PLPPR1: variants seen among roughly 807,000 people sequenced by gnomAD.
The protein encoded by PLPPR1 is phospholipid phosphatase related 1.
PLPPR1 carries 10 observed loss-of-function variants against 33.1 expected under a neutral mutation model. The ratio of observed to expected loss-of-function variants is 0.30; its 90% CI spans 0.19 to 0.51. PLPPR1 has a LOEUF of 0.51. Ranked by LOEUF, PLPPR1 falls within the 20% of genes least tolerant of loss-of-function variation. The pLI is 0.97. For synonymous variants in PLPPR1, 151 were observed against 151.0 expected (o/e 1.00, Z 0.00); for missense variants, 304 against 408.1 (o/e 0.74, Z 2.20).
At chr9:101,072,240 C>T (rs1407666768) in intron 1 of PLPPR1, among the ~76,000 whole-genome samples, 1 of 152,138 alleles carries the variant, frequency 6.6e-6, no homozygotes, top group African/African-American at 2.4e-5. Flanking sequence ...AGACAGCTCT[C>T]CTCCAAATTG....
Position 101,270,275 on chromosome 9 carries a change from G to C in PLPPR1, c.252+207G>C, listed in dbSNP as rs1028668186. On this transcript the variant is annotated intron_variant, in intron 3 of 7. Coordinates refer to ENST00000374874, the MANE Select transcript of PLPPR1 (RefSeq NM_207299.2). ...TTGTATGGGTGGCTTTTGTTTTTCG[G>C]TATCTGAATTTTAAAAAGATGTTTT... 5.3e-5 allele frequency among the ~76,000 whole-genome samples: 8 copies of C among 151,860 alleles called. No homozygotes were observed. The South Asian group carries it at 1.7e-3, about 31-fold the overall frequency.
intron 2 of PLPPR1, among the ~76,000 whole-genome samples, chr9:101,214,990 T>G (rs897439282): frequency 6.9e-6 from 1 of 144,552 alleles, no homozygotes; most frequent in African/African-American, 2.6e-5. Context: ...GCCACTGCAC[T>G]CCAGCCTGGG....
chr9:101,242,264 T>C (rs1235349871), intron 2 of PLPPR1, among the ~76,000 whole-genome samples: 4 of 150,910 alleles, frequency 2.7e-5, no homozygotes, highest in South Asian at 2.1e-4. Flanking sequence ...TTCTCTGATA[T>C]AGTCTCGGAA....
chr9:101,124,688 C>T (rs1170725554), intron 1 of PLPPR1, among the ~76,000 whole-genome samples: 1 of 152,210 alleles, frequency 6.6e-6, no homozygotes, highest in Non-Finnish European at 1.5e-5. Context: ...TACAGGTGGG[C>T]CCACTAGATG....
intron 6 of PLPPR1, 98 bp from the exon 7 acceptor site, chr9:101,317,267 G>C: frequency 1.5e-6 from 2 of 1,294,478 alleles, no homozygotes; most frequent in Admixed American, 4.2e-5. Flanking sequence ...AGGTCACTCT[G>C]GTGATGATAT....
chr9:101,294,977 AG>A lies in PLPPR1; in HGVS notation c.385+8744del, dbSNP rs754303983. ...GCAATTAGGCAGGAGAAGGAAATAA[AG>A]GGTATTCAATTAGGAAAAGAGGAAG... is the stretch of plus-strand genomic sequence containing the variant. On this transcript the variant is annotated intron_variant, in intron 4 of 7. Coordinates refer to ENST00000374874, the MANE Select transcript of PLPPR1 (RefSeq NM_207299.2). 3.7e-3 allele frequency among the ~76,000 whole-genome samples: 564 copies of A among 152,320 alleles called. 8 individuals are homozygous for A. Among genetic ancestry groups the A allele is most frequent in the Non-Finnish European group, 7.1e-3 (485 of 68,028 alleles).
chr9:101,314,706 G>T (rs1829020175), intron 6 of PLPPR1, among the ~76,000 whole-genome samples: 1 of 151,718 alleles, frequency 6.6e-6, no homozygotes, highest in South Asian at 2.1e-4. Context: ...TGAAAAAATG[G>T]TGCCAATAGA....
At chr9:101,286,691 A>G (rs367672423) in intron 4 of PLPPR1, among the ~76,000 whole-genome samples, 68 of 152,324 alleles carry the variant, frequency 4.5e-4, no homozygotes, top group African/African-American at 1.6e-3. Context: ...TGCCTTTTCA[A>G]AGTTGGAAAA....
intron 2 of PLPPR1, among the ~76,000 whole-genome samples, chr9:101,229,666 T>A (rs1197080086): frequency 6.6e-6 from 1 of 152,164 alleles, no homozygotes; most frequent in Non-Finnish European, 1.5e-5. Flanking sequence ...TGTGTGCATT[T>A]GAAAACTTTC....
chr9:101,172,082 T>A (rs1825950278), intron 1 of PLPPR1, among the ~76,000 whole-genome samples: 1 of 152,200 alleles, frequency 6.6e-6, no homozygotes, highest in South Asian at 2.1e-4. Flanking sequence ...CTAGCCATAA[T>A]CTCATTTTAT....
intron 2 of PLPPR1, among the ~76,000 whole-genome samples, chr9:101,227,878 G>A (rs1452727809): frequency 6.6e-6 from 1 of 152,152 alleles, no homozygotes; most frequent in Non-Finnish European, 1.5e-5. Flanking sequence ...CTGGGTTCAA[G>A]CGATTCTCCT....
chr9:101,189,448 C>T (rs7857823), intron 2 of PLPPR1, among the ~76,000 whole-genome samples: 80,201 of 151,584 alleles, frequency 0.53, 22,457 homozygotes, highest in Non-Finnish European at 0.62. Context: ...AGATGGTAAA[C>T]GCTGGTCAAC....
At position 101,180,147 on chromosome 9, in the gene PLPPR1, C is replaced by T. The variant is rs374350049; in HGVS notation, c.-45-5303C>T. 4.4e-3 allele frequency among the ~76,000 whole-genome samples: 174 copies of T among 39,702 alleles called. 1 individual carries two copies. The highest frequency in any genetic ancestry group is 0.014 in the Middle Eastern group (1 of 74). 26.0% of individuals were successfully genotyped at this position (39,702 alleles called of 152,430 possible). A position where few individuals can be genotyped will look rare whatever the true frequency, so the allele number is the denominator to read the frequency against. ...ATATATATATATATATATATATACA[C>T]ACACACACACACACATACACACACA... On this transcript the variant is annotated intron_variant, in intron 1 of 7. Coordinates refer to ENST00000374874, the MANE Select transcript of PLPPR1 (RefSeq NM_207299.2).
intron 3 of PLPPR1, among the ~76,000 whole-genome samples, 156 bp from the exon 4 acceptor site, chr9:101,285,930 TTCTCTAATTCTTTTGAAG>T (rs1484919980): frequency 6.6e-6 from 1 of 152,234 alleles, no homozygotes; most frequent in African/African-American, 2.4e-5. Flanking sequence ...AATTATCACT[TTCTCTAATTCTTTTGAAG>T]TGTTAAATGC....
chr9:101,257,880 C>T (rs1019661050), intron 2 of PLPPR1, among the ~76,000 whole-genome samples: 1 of 151,766 alleles, frequency 6.6e-6, no homozygotes, highest in Admixed American at 6.6e-5. Context: ...AGTAAGTTAT[C>T]TTTATTTTGG....
chr9:101,262,121 TAC>T (rs1334993770), intron 2 of PLPPR1, among the ~76,000 whole-genome samples: 3 of 152,234 alleles, frequency 2.0e-5, no homozygotes, highest in African/African-American at 7.2e-5. Context: ...TCTTGAAAGA[TAC>T]ACAGTCTATC....
At chr9:101,082,379 TG>T (rs1230633421) in intron 1 of PLPPR1, among the ~76,000 whole-genome samples, 1 of 151,972 alleles carries the variant, frequency 6.6e-6, no homozygotes, top group Non-Finnish European at 1.5e-5. Context: ...GAGGGGGTGT[TG>T]GGGTAAGCAG....
At chr9:101,030,484 C>A (rs1829931987) in intron 1 of PLPPR1, among the ~76,000 whole-genome samples, 1 of 151,346 alleles carries the variant, frequency 6.6e-6, no homozygotes, top group Non-Finnish European at 1.5e-5. Flanking sequence ...TCTGGGATAA[C>A]ATTTAGCATA....
intron 3 of PLPPR1, among the ~76,000 whole-genome samples, 186 bp from the exon 4 acceptor site, chr9:101,285,918 T>C (rs949316840): frequency 2.0e-5 from 3 of 152,258 alleles, no homozygotes; most frequent in African/African-American, 7.2e-5. Flanking sequence ...TCTGAAATGA[T>C]CAATTATCAC....
Sources: gnomAD v4.1 joint callset for allele counts (sites outside exome capture counted in the v4.1 genomes callset) on GRCh38, gnomAD v4.1.1 for gene constraint, MANE v1.5 for transcripts, NCBI Gene and HGNC (gene_info 2026-07-23, HGNC 2026-07-21) for gene names.